Variants in MYO15B observed in about 807,000 individuals in gnomAD.
The protein encoded by MYO15B is myosin XVB pseudogene.
MYO15B carries 207 observed loss-of-function variants against 119.3 expected under a neutral mutation model. The observed-to-expected ratio is 1.73, with a 90% confidence interval of 1.55 to 1.95. The LOEUF (loss-of-function observed/expected upper bound fraction) is 1.95, where lower values mean the gene tolerates loss of function less well. Ranked by LOEUF, MYO15B falls within the 30% of genes most tolerant of loss-of-function variation. The pLI is 0.00. For synonymous variants in MYO15B, 966 were observed against 498.9 expected (o/e 1.94, Z -12.48); for missense variants, 2,264 against 1,203.1 (o/e 1.88, Z -13.04).
exon 49 of MYO15B, chr17:75,620,490 G>C (rs1248726420): frequency 1.4e-6 from 1 of 702,744 alleles, no homozygotes; most frequent in Admixed American, 2.0e-5. Flanking sequence ...CTCTGCCGGG[G>C]GCCGTTCCGG....
At chr17:75,594,105 G>GA (rs57049037) in intron 9 of MYO15B, among the ~76,000 whole-genome samples, 80,479 of 133,438 alleles carry the variant, frequency 0.6, 25,378 homozygotes, top group East Asian at 0.77. Flanking sequence ...AAAAAAAAAA[G>GA]AAAAAAAAAA....
chr17:75,599,637 T>A (rs552177259), intron 14 of MYO15B, among the ~76,000 whole-genome samples: 1 of 151,750 alleles, frequency 6.6e-6, no homozygotes, highest in African/African-American at 2.4e-5. Context: ...CCGGGCGCGG[T>A]GGCTCATCTC....
At chr17:75,591,899 G>A in intron 5 of MYO15B, 78 bp from the exon 6 acceptor site, 1 of 680,744 alleles carries the variant, frequency 1.5e-6, no homozygotes, top group Admixed American at 2.0e-5. Context: ...ACGCCTCCCT[G>A]GACCTGCCCC....
At chr17:75,588,950 G>A (rs1426753511) in exon 1 of MYO15B, 15 of 398,108 alleles carry the variant, frequency 3.8e-5, no homozygotes, top group South Asian at 1.3e-4. Context: ...TCGACGGCCC[G>A]GGCTCCGCGC....
intron 19 of MYO15B, among the ~76,000 whole-genome samples, chr17:75,604,998 G>A (rs2057534617): frequency 6.6e-6 from 1 of 152,032 alleles, no homozygotes; most frequent in Non-Finnish European, 1.5e-5. Flanking sequence ...TCAGCTGGGC[G>A]TGGTGTTGCA....
chr17:75,603,301 C>T (rs2057404100), exon 19 of MYO15B: 1 of 703,078 alleles, frequency 1.4e-6, no homozygotes, highest in East Asian at 2.7e-5. Context: ...CCTTTGAGGC[C>T]TTCCTGGCCA....
Position 75,589,311 on chromosome 17 carries a change from G to A in MYO15B, c.1254G>A (p.Gly418=), listed in dbSNP as rs117594295. 2 of 397,812 alleles carry A rather than the reference G, an allele frequency of 5.0e-6. No homozygotes were observed. Among genetic ancestry groups the A allele is most frequent in the Non-Finnish European group, 8.9e-6 (2 of 225,872 alleles). The allele number at this position is 397,812 out of a possible 1,614,324, so 24.6% of individuals were successfully genotyped here. A position where few individuals can be genotyped will look rare whatever the true frequency, so the allele number is the denominator to read the frequency against. ...AACCGGACGAGGGGCGGGGTCATGG[G>A]AGAGGAAGCAAGGGGCGGGGCCGCG... The change falls in exon 1 of 64, where the codon GGG becomes GGA. Residue 418 remains glycine, a synonymous_variant. Transcript: ENST00000645453. The surrounding 1 kb of genome is among the most constrained non-coding windows in gnomAD (Gnocchi z 4.2).
At chr17:75,626,216 T>G in exon 63 of MYO15B, 1 of 703,036 alleles carries the variant, frequency 1.4e-6, no homozygotes, top group Non-Finnish European at 2.6e-6. Context: ...CCATCTGGTT[T>G]GAGCTGCCAC....
At position 75,589,525 on chromosome 17, in the gene MYO15B, G is replaced by A. The variant is rs953951685; in HGVS notation, c.1468G>A (p.Glu490Lys). Residue 490 changes from glutamate (E) to lysine (K), a missense_variant, in exon 1 of 64, where the codon GAG (glutamate) becomes AAG (lysine). Transcript: ENST00000645453. This position sits in a 1 kb window ranked among gnomAD's most constrained non-coding sequence, Gnocchi z 4.2. ...GAGAGGGTACGAGGGGTGGGGCCGT[G>A]AGCCCGGGCTGCGGCACCGTCTAGC... is the stretch of plus-strand genomic sequence containing the variant. 3.3e-4 allele frequency: 133 copies of A among 398,618 alleles called. No individual in the cohort carries two copies. The highest frequency in any genetic ancestry group is 2.2e-3 in the Admixed American group (51 of 22,734). 24.7% of individuals were successfully genotyped at this position (398,618 alleles called of 1,614,324 possible).
At chr17:75,624,017 T>C (rs1347027432) in exon 55 of MYO15B, 1 of 703,016 alleles carries the variant, frequency 1.4e-6, no homozygotes, top group Non-Finnish European at 2.6e-6. Context: ...TCGACCAGGC[T>C]GATGCCCTAC....
At position 75,602,300 on chromosome 17, in the gene MYO15B, G is replaced by A. The variant is rs1293480035; in HGVS notation, c.3652-217G>A. On this transcript the variant is annotated intron_variant, in intron 15 of 63. Coordinates refer to ENST00000645453, the Ensembl canonical transcript of MYO15B. ...GCATAGGTTAAAGCCCCAGTGGGGA[G>A]AGTGTGGTCTTGCTGGGGACTGGAC... 10 of 676,810 alleles carry A rather than the reference G, an allele frequency of 1.5e-5. No individual in the cohort carries two copies. In the South Asian group the frequency reaches 1.6e-4, roughly 11 times the overall value. The allele number at this position is 676,810 out of a possible 1,614,324, so 41.9% of individuals were successfully genotyped here.
In MYO15B at chr17:75,612,045, C is replaced by T. The variant is rs1598847710; in HGVS notation, c.4635+29C>T. On this transcript the variant is annotated intron_variant, in intron 25 of 63. Coordinates refer to ENST00000645453, the Ensembl canonical transcript of MYO15B. Reference sequence around the variant, plus strand: ...GGCGCCCAGGCCTAAGCTCTTCCCGCTGGCCTCACCGCTCTGAGTTAGCAC... The same window carrying T: ...GGCGCCCAGGCCTAAGCTCTTCCCGTTGGCCTCACCGCTCTGAGTTAGCAC... 8.6e-6 allele frequency: 6 copies of T among 701,640 alleles called. No individual in the cohort carries two copies. The East Asian group carries it at 1.6e-4, about 19-fold the overall frequency. The allele number at this position is 701,640 out of a possible 1,614,324, so 43.5% of individuals were successfully genotyped here.
At chr17:75,619,420 G>A (rs572181747) in exon 45 of MYO15B, 41 of 702,594 alleles carry the variant, frequency 5.8e-5, no homozygotes, top group African/African-American at 2.4e-4. Flanking sequence ...GAAGCGCATC[G>A]TGGTGGCCGC....
chr17:75,616,544 C>T (rs192928339), exon 39 of MYO15B: 1 of 702,804 alleles, frequency 1.4e-6, no homozygotes, highest in East Asian at 2.7e-5. Context: ...TCCTCCTCCC[C>T]CCATCGTGAA....
chr17:75,612,794 G>A lies in MYO15B; in HGVS notation c.4636-4G>A, dbSNP rs993821112. On this transcript the variant is annotated splice_region_variant and splice_polypyrimidine_tract_variant and intron_variant, in intron 25 of 63. Coordinates refer to ENST00000645453, the Ensembl canonical transcript of MYO15B. ...CATGGACTGAGCCCTCTCCTTCCTTGCAGGAACCGTCCCTGCCCAGGCCAG... is the reference window on the plus strand; with the variant it reads ...CATGGACTGAGCCCTCTCCTTCCTTACAGGAACCGTCCCTGCCCAGGCCAG... 9 of 702,868 alleles carry A rather than the reference G, an allele frequency of 1.3e-5. No homozygotes were observed. The highest frequency in any genetic ancestry group is 2.3e-5 in the Non-Finnish European group (9 of 384,998). The allele number at this position is 702,868 out of a possible 1,614,324, so 43.5% of individuals were successfully genotyped here.
intron 14 of MYO15B, 69 bp from the exon 15 acceptor site, chr17:75,601,369 G>A (rs2057271870): frequency 1.5e-5 from 10 of 687,670 alleles, no homozygotes; most frequent in South Asian, 4.6e-5. Context: ...CGTGCTCACC[G>A]GGAGAGGGCG....
rs777309174 is a variant in MYO15B at position 75,612,793 on chromosome 17, T to G, written c.4636-5T>G. On this transcript the variant is annotated splice_region_variant and splice_polypyrimidine_tract_variant and intron_variant, in intron 25 of 63. Transcript: ENST00000645453. ...GCATGGACTGAGCCCTCTCCTTCCT[T>G]GCAGGAACCGTCCCTGCCCAGGCCA... The G allele has an allele frequency of 1.4e-6, 1 of 702,986 alleles. No homozygotes were observed. The highest frequency in any genetic ancestry group is 1.5e-5 in the South Asian group (1 of 67,596). 43.5% of individuals were successfully genotyped at this position (702,986 alleles called of 1,614,324 possible).
At chr17:75,617,037 G>T (rs890666527) in intron 40 of MYO15B, 48 bp from the exon 41 acceptor site, 1 of 693,778 alleles carries the variant, frequency 1.4e-6, no homozygotes, top group African/African-American at 1.8e-5. Flanking sequence ...GGGCGAACTT[G>T]GCCTTGTGCT....
chr17:75,613,341 C>G (rs1162732400), exon 28 of MYO15B: 1 of 675,652 alleles, frequency 1.5e-6, no homozygotes, highest in Non-Finnish European at 2.7e-6. Flanking sequence ...TGTGCCAGCA[C>G]AAGCTGCTGG....
Sources: gnomAD v4.1 joint callset for allele counts (sites outside exome capture counted in the v4.1 genomes callset) on GRCh38, gnomAD v4.1.1 for gene constraint, Gnocchi (gnomAD v3.1) non-coding constraint, MANE v1.5 for transcripts, NCBI Gene and HGNC (gene_info 2026-07-23, HGNC 2026-07-21) for gene names.